PKD1L1: variants seen among roughly 807,000 people sequenced by gnomAD.
PKD1L1 encodes the protein polycystin-1-like protein 1.
PKD1L1 carries 236 observed loss-of-function variants against 323.4 expected under a neutral mutation model. That is an observed-to-expected ratio of 0.73 (90% CI 0.66 to 0.81). The LOEUF (loss-of-function observed/expected upper bound fraction) is 0.81, where lower values mean the gene tolerates loss of function less well. Among genes scored for constraint, PKD1L1 ranks in the 40% least tolerant of loss-of-function variants. The probability of loss-of-function intolerance (pLI) is 0.00; values close to 1 mark genes in which losing one functional copy is unlikely to be tolerated. For synonymous variants in PKD1L1, 1,344 were observed against 1,335.0 expected, an observed-to-expected ratio of 1.01 and a Z score of -0.15; for missense variants, 3,320 against 3,508.0, an observed-to-expected ratio of 0.95 and a Z score of 1.35.
intron 26 of PKD1L1, among the ~76,000 whole-genome samples, chr7:47,861,579 G>A (rs1017295255): frequency 1.3e-5 from 2 of 152,134 alleles, no homozygotes; most frequent in Admixed American, 1.3e-4. Flanking sequence ...TGAAGTCCTC[G>A]TATGATACAA....
At chr7:47,954,113 A>G in the PKD1L1 span, among the ~76,000 whole-genome samples, 1 of 152,206 alleles carries the variant, frequency 6.6e-6, no homozygotes. Context: ...ACAAGGTTTG[A>G]GCCCTAAGGT....
In PKD1L1 at chr7:47,809,501, T is replaced by C. The variant is rs1468619084; in HGVS notation, c.7658A>G (p.Tyr2553Cys). The stretch of plus-strand genomic sequence containing the variant: ...CAGCCAGTTCCTTGGCTTTCGCCAG[T>C]AGCTGAGGACGCCCTTGTCCATCAT... ...YRMMDKGVLSYWRKPRNWLEL... is the reference protein window; with the variant it reads ...YRMMDKGVLSCWRKPRNWLEL... The change falls in exon 51 of 57, where the codon TAC becomes TGC. Residue 2553 changes from tyrosine (Y) to cysteine (C), a missense_variant. Physicochemically the swap from Tyr to Cys is radical, Grantham distance 194. Transcript: ENST00000289672. 1 of 1,607,936 alleles carries C rather than the reference T, an allele frequency of 6.2e-7. No homozygotes were observed. Among genetic ancestry groups the C allele is most frequent in the East Asian group, 2.2e-5 (1 of 44,704 alleles).
At chr7:47,846,552 G>A (rs140287189) in intron 32 of PKD1L1, among the ~76,000 whole-genome samples, 1 of 152,300 alleles carries the variant, frequency 6.6e-6, no homozygotes, top group East Asian at 1.9e-4. Flanking sequence ...AAACTGACAG[G>A]TTCATCTATC....
chr7:47,830,303 C>A (rs1785320216), intron 42 of PKD1L1, among the ~76,000 whole-genome samples, 179 bp from the exon 43 acceptor site: 1 of 152,178 alleles, frequency 6.6e-6, no homozygotes, highest in South Asian at 2.1e-4. Context: ...CGGAGGGGAA[C>A]CCTTGTCTGC....
chr7:47,800,891 A>T lies in PKD1L1; in HGVS notation c.7963-12T>A. ...AGTGCCCCCACCAGCTGCAGAAAGA[A>T]AATCCAGAGAGCACTGACCTTGTCA... On this transcript the variant is annotated splice_polypyrimidine_tract_variant and intron_variant, in intron 53 of 56. Coordinates refer to ENST00000289672, the MANE Select transcript of PKD1L1 (RefSeq NM_138295.5). 1 of 1,609,818 alleles carries T rather than the reference A, an allele frequency of 6.2e-7. No homozygotes were observed. Among genetic ancestry groups the T allele is most frequent in the Non-Finnish European group, 8.5e-7 (1 of 1,176,290 alleles).
chr7:47,881,629 G>A (rs1036450605), intron 20 of PKD1L1, among the ~76,000 whole-genome samples: 5 of 152,240 alleles, frequency 3.3e-5, no homozygotes, highest in South Asian at 2.1e-4. Context: ...GAAAAGGTGC[G>A]CACCAAGGTG....
At chr7:47,949,368 CAAAAA>C (rs58131581), upstream of PKD1L1, among the ~76,000 whole-genome samples, 43 of 57,142 alleles carry the variant, frequency 7.5e-4, 1 homozygote, top group Admixed American at 1.3e-3. Context: ...GGCTCTGTCT[CAAAAA>C]AAAAAAAAAA....
intron 16 of PKD1L1, 127 bp downstream of exon 16, chr7:47,890,415 A>G: frequency 1.1e-6 from 1 of 889,694 alleles, no homozygotes. Flanking sequence ...CCTCCTTTGC[A>G]GTGAGAATCC....
At position 47,876,148 on chromosome 7, in the gene PKD1L1, T is replaced by A; in HGVS notation, c.3733A>T (p.Thr1245Ser). The A allele has an allele frequency of 1.2e-6, 2 of 1,614,148 alleles. No individual in the cohort carries two copies. The highest frequency in any genetic ancestry group is 1.7e-6 in the Non-Finnish European group (2 of 1,179,992). ...SKHTLYHGRD[T>S]QYYFVLPAGE... The stretch of plus-strand genomic sequence containing the variant: ...GCTGGCAACACAAAATAATACTGGG[T>A]GTCTCTCCCATGGTACAAAGTGTGT... Residue 1245 changes from threonine (T) to serine (S), a missense_variant, in exon 23 of 57, where the codon ACC (threonine) becomes TCC (serine). By Grantham distance (58) the Thr-to-Ser change is moderately conservative. Transcript: ENST00000289672.
intron 53 of PKD1L1, 138 bp downstream of exon 53, chr7:47,803,072 C>G: frequency 9.5e-7 from 1 of 1,053,230 alleles, no homozygotes; most frequent in Admixed American, 2.5e-5. Flanking sequence ...TAAAACCACA[C>G]TGTAAGGGAT....
chr7:47,958,813 T>C, the PKD1L1 span, among the ~76,000 whole-genome samples: 1 of 147,378 alleles, frequency 6.8e-6, no homozygotes, highest in East Asian at 1.9e-4. Context: ...CTCCCCACGG[T>C]CTCCCTCTCC....
intron 6 of PKD1L1, among the ~76,000 whole-genome samples, chr7:47,930,554 A>C (rs1278948313): frequency 3.9e-5 from 2 of 50,856 alleles, no homozygotes; most frequent in African/African-American, 1.8e-4. Flanking sequence ...GCAGTGGCTC[A>C]TGCCTGAATC....
At chr7:47,815,595 T>C in intron 46 of PKD1L1, 138 bp from the exon 47 acceptor site, 1 of 1,001,920 alleles carries the variant, frequency 1.0e-6, no homozygotes, top group Non-Finnish European at 1.5e-6. Flanking sequence ...CTCAAGCTGC[T>C]TGCAGCGTGA....
chr7:47,880,660 G>C, intron 21 of PKD1L1, 68 bp downstream of exon 21: 1 of 1,282,876 alleles, frequency 7.8e-7, no homozygotes, highest in Non-Finnish European at 1.1e-6. Context: ...TCCTTAGGAA[G>C]AGTAAACTCA....
chr7:47,830,224 A>T (rs918349531), intron 42 of PKD1L1, 100 bp from the exon 43 acceptor site: 8 of 985,662 alleles, frequency 8.1e-6, no homozygotes, highest in Admixed American at 2.4e-5. Flanking sequence ...GAGAGGGCCT[A>T]TGGCCTCGCC....
intron 16 of PKD1L1, among the ~76,000 whole-genome samples, chr7:47,890,138 C>G (rs140729436): frequency 0.014 from 2,184 of 152,344 alleles, 29 homozygotes; most frequent in Middle Eastern, 0.044. Context: ...TCCCCTCCAT[C>G]CTGTGATGCT....
chr7:47,919,986 T>C (rs1787502423), intron 7 of PKD1L1, among the ~76,000 whole-genome samples: 1 of 152,120 alleles, frequency 6.6e-6, no homozygotes. Flanking sequence ...TCACCACTCC[T>C]CTTCAACATA....
chr7:47,810,324 C>G (rs1346077398), intron 50 of PKD1L1, among the ~76,000 whole-genome samples: 1 of 152,204 alleles, frequency 6.6e-6, no homozygotes, highest in African/African-American at 2.4e-5. Context: ...AAGAAACTAT[C>G]AGGAAAACTG....
chr7:47,958,942 C>A, the PKD1L1 span, among the ~76,000 whole-genome samples: 1 of 152,366 alleles, frequency 6.6e-6, no homozygotes, highest in Non-Finnish European at 1.5e-5. Context: ...CTGCCTCAGC[C>A]TGCCGAGTGC....
Sources: gnomAD v4.1 joint callset for allele counts (sites outside exome capture counted in the v4.1 genomes callset) on GRCh38, gnomAD v4.1.1 for gene constraint, MANE v1.5 for transcripts, NCBI Gene and HGNC (gene_info 2026-07-23, HGNC 2026-07-21) for gene names.